Variants in CSNK2A2IP observed in about 807,000 individuals in gnomAD.
CSNK2A2IP encodes casein kinase 2 subunit alpha' interacting protein.
chr3:88,425,032 G>T, the CSNK2A2IP span, among the ~76,000 whole-genome samples: 2 of 151,826 alleles, frequency 1.3e-5, no homozygotes, highest in African/African-American at 4.8e-5. Flanking sequence ...ATGAAAATTT[G>T]TATATATGAG....
chr3:88,369,480 G>A, the CSNK2A2IP span, among the ~76,000 whole-genome samples: 1 of 151,912 alleles, frequency 6.6e-6, no homozygotes, highest in East Asian at 1.9e-4. Flanking sequence ...CTGCTACAGC[G>A]TCAGGTAGAA....
the CSNK2A2IP span, among the ~76,000 whole-genome samples, chr3:88,342,688 AT>A: frequency 6.7e-6 from 1 of 149,674 alleles, no homozygotes; most frequent in African/African-American, 2.4e-5. Context: ...AGAAAAAAAA[AT>A]AAAAGGATCT....
chr3:88,398,626 C>T, the CSNK2A2IP span, among the ~76,000 whole-genome samples: 2 of 152,020 alleles, frequency 1.3e-5, no homozygotes, highest in African/African-American at 2.4e-5. Context: ...GAGAAAGGTC[C>T]CATCTTGACT....
At chr3:88,458,566 C>T in the CSNK2A2IP span, among the ~76,000 whole-genome samples, 9 of 152,104 alleles carry the variant, frequency 5.9e-5, no homozygotes, top group African/African-American at 2.2e-4. Context: ...TTGGCTTCTC[C>T]TTTAATCTCT....
chr3:88,419,983 C>T, the CSNK2A2IP span, among the ~76,000 whole-genome samples: 5 of 152,146 alleles, frequency 3.3e-5, no homozygotes, highest in African/African-American at 1.2e-4. Flanking sequence ...CATTCACACT[C>T]CTATTCCCAC....
the CSNK2A2IP span, among the ~76,000 whole-genome samples, chr3:88,345,323 G>T: frequency 6.6e-6 from 1 of 151,906 alleles, no homozygotes; most frequent in Non-Finnish European, 1.5e-5. Context: ...TAAAATCACA[G>T]GGTTTCCTTT....
the CSNK2A2IP span, among the ~76,000 whole-genome samples, chr3:88,345,520 G>A: frequency 6.6e-6 from 1 of 151,922 alleles, no homozygotes; most frequent in Admixed American, 6.6e-5. Flanking sequence ...CTCACTTCAT[G>A]CCTCTGTGTG....
the CSNK2A2IP span, among the ~76,000 whole-genome samples, chr3:88,444,776 G>A: frequency 6.6e-6 from 1 of 152,152 alleles, no homozygotes; most frequent in East Asian, 1.9e-4. Context: ...ATCCATTGGA[G>A]GCTACGTTCT....
the CSNK2A2IP span, among the ~76,000 whole-genome samples, chr3:88,430,052 CG>C: frequency 1.3e-5 from 2 of 152,056 alleles, no homozygotes; most frequent in Non-Finnish European, 2.9e-5. Flanking sequence ...TGAGCCACTG[CG>C]CCCGGCCGAG....
chr3:88,376,275 A>G, the CSNK2A2IP span, among the ~76,000 whole-genome samples: 1 of 151,676 alleles, frequency 6.6e-6, no homozygotes, highest in Admixed American at 6.6e-5. Context: ...ATTCAAATCA[A>G]TTTCCTGCCT....
the CSNK2A2IP span, among the ~76,000 whole-genome samples, chr3:88,368,455 A>T: frequency 6.6e-6 from 1 of 152,056 alleles, no homozygotes; most frequent in Non-Finnish European, 1.5e-5. Flanking sequence ...TTTCAATGCC[A>T]TAGAGACAGA....
the CSNK2A2IP span, among the ~76,000 whole-genome samples, chr3:88,351,212 A>G: frequency 8.5e-5 from 13 of 152,142 alleles, no homozygotes; most frequent in African/African-American, 2.4e-5. Context: ...AATTTTTCTT[A>G]TCCTTTAATA....
At chr3:88,346,039 A>T in the CSNK2A2IP span, among the ~76,000 whole-genome samples, 5 of 151,978 alleles carry the variant, frequency 3.3e-5, no homozygotes, top group African/African-American at 1.2e-4. Context: ...CTTATTGCTG[A>T]TATGGAGAAA....
At chr3:88,353,259 T>C in the CSNK2A2IP span, among the ~76,000 whole-genome samples, 1 of 152,230 alleles carries the variant, frequency 6.6e-6, no homozygotes, top group African/African-American at 2.4e-5. Context: ...AGTCAACTGC[T>C]ACTTTGCACT....
chr3:88,434,959 T>C, the CSNK2A2IP span, among the ~76,000 whole-genome samples: 2 of 152,148 alleles, frequency 1.3e-5, no homozygotes, highest in African/African-American at 4.8e-5. Context: ...TCAGAATTTA[T>C]CACCAAGCTT....
At chr3:88,425,038 A>G in the CSNK2A2IP span, among the ~76,000 whole-genome samples, 1 of 152,064 alleles carries the variant, frequency 6.6e-6, no homozygotes, top group East Asian at 1.9e-4. Context: ...ATTTGTATAT[A>G]TGAGTTACAT....
At chr3:88,440,073 TTAAAC>T in the CSNK2A2IP span, among the ~76,000 whole-genome samples, 1 of 152,174 alleles carries the variant, frequency 6.6e-6, no homozygotes, top group African/African-American at 2.4e-5. Flanking sequence ...GATGGCAAGT[TTAAAC>T]TAAATATTTG....
the CSNK2A2IP span, among the ~76,000 whole-genome samples, chr3:88,432,673 C>T: frequency 6.6e-6 from 1 of 150,980 alleles, no homozygotes; most frequent in Admixed American, 6.6e-5. Flanking sequence ...TTTCTAAATA[C>T]ATACAAACTA....
At chr3:88,462,042 T>A in the CSNK2A2IP span, among the ~76,000 whole-genome samples, 1 of 151,910 alleles carries the variant, frequency 6.6e-6, no homozygotes, top group South Asian at 2.1e-4. Flanking sequence ...GTTGTTCATG[T>A]TTTGCCCATC....
Sources: allele counts gnomAD v4.1 joint callset (sites outside exome capture counted in the v4.1 genomes callset), GRCh38; gene constraint gnomAD v4.1.1; transcripts MANE v1.5; gene names NCBI Gene and HGNC (gene_info 2026-07-23, HGNC 2026-07-21).